Variants in ST8SIA5 observed in about 807,000 individuals in gnomAD.
ST8SIA5 encodes ST8 alpha-N-acetyl-neuraminide alpha-2,8-sialyltransferase 5.
Under a neutral mutation model 40.2 loss-of-function variants are expected in ST8SIA5, and 24 were observed. The observed-to-expected ratio is 0.60, with a 90% CI of 0.43 to 0.84. ST8SIA5 has a LOEUF of 0.84. Among genes scored for constraint, ST8SIA5 ranks in the 40% least tolerant of loss-of-function variants. The probability of loss-of-function intolerance (pLI) is 0.00; values close to 1 mark genes in which losing one functional copy is unlikely to be tolerated. For missense variants in ST8SIA5, 465 were observed against 498.5 expected (o/e 0.93, Z 0.64); for synonymous variants, 198 against 201.8 (o/e 0.98, Z 0.16).
chr18:46,722,528 C>A (rs564148833), intron 1 of ST8SIA5, among the ~76,000 whole-genome samples: 2 of 152,182 alleles, frequency 1.3e-5, no homozygotes, highest in East Asian at 3.9e-4. Flanking sequence ...GAAACTGATC[C>A]GCTCAAAAGA....
intron 1 of ST8SIA5, among the ~76,000 whole-genome samples, chr18:46,721,677 C>G (rs2039865060): frequency 6.6e-6 from 1 of 152,238 alleles, no homozygotes. Context: ...CATCTATCCC[C>G]TCATTCCATC....
intron 2 of ST8SIA5, among the ~76,000 whole-genome samples, chr18:46,703,679 T>A (rs1431235287): frequency 1.3e-5 from 2 of 152,146 alleles, no homozygotes; most frequent in Non-Finnish European, 2.9e-5. Context: ...TGGGGTTATG[T>A]CAGGGGACCG....
At chr18:46,719,674 C>CTTTT (rs1568267688) in intron 1 of ST8SIA5, among the ~76,000 whole-genome samples, 1 of 151,000 alleles carries the variant, frequency 6.6e-6, no homozygotes, top group Non-Finnish European at 1.5e-5. Flanking sequence ...CTTTCTCTTT[C>CTTTT]TTTTCTTTTT....
chr18:46,688,718 G>T, intron 4 of ST8SIA5, 57 bp downstream of exon 4: 3 of 1,563,760 alleles, frequency 1.9e-6, no homozygotes, highest in Non-Finnish European at 2.6e-6. Flanking sequence ...GCCACGGAGG[G>T]CTACTGCTGG....
intron 1 of ST8SIA5, among the ~76,000 whole-genome samples, chr18:46,719,681 T>TC (rs1464262362): frequency 2.8e-5 from 4 of 142,642 alleles, no homozygotes; most frequent in Non-Finnish European, 3.0e-5. Flanking sequence ...TTTCTTTTCT[T>TC]TTTTCTTTCT....
chr18:46,736,412 C>T (rs28528836), intron 1 of ST8SIA5, among the ~76,000 whole-genome samples: 12,514 of 152,078 alleles, frequency 0.082, 822 homozygotes, highest in African/African-American at 0.18. Context: ...AGAAGTGCAC[C>T]GGGTGGGGGT....
intron 2 of ST8SIA5, among the ~76,000 whole-genome samples, chr18:46,702,566 G>A (rs924085917): frequency 5.9e-5 from 9 of 152,202 alleles, no homozygotes; most frequent in Admixed American, 5.9e-4. Context: ...GACACAGCCA[G>A]CTCCCTCCTG....
At chr18:46,711,145 C>T (rs1374616595) in intron 1 of ST8SIA5, among the ~76,000 whole-genome samples, 2 of 152,132 alleles carry the variant, frequency 1.3e-5, no homozygotes, top group Non-Finnish European at 2.9e-5. Context: ...CACCATTTTC[C>T]CCAGATAAAT....
At chr18:46,737,927 C>T (rs1262313965) in intron 1 of ST8SIA5, among the ~76,000 whole-genome samples, 3 of 152,132 alleles carry the variant, frequency 2.0e-5, no homozygotes, top group African/African-American at 7.2e-5. Flanking sequence ...TGCACCACCA[C>T]GCCCGAATAA....
chr18:46,708,837 A>G (rs997984091), intron 1 of ST8SIA5, among the ~76,000 whole-genome samples: 2 of 152,118 alleles, frequency 1.3e-5, no homozygotes, highest in Non-Finnish European at 2.9e-5. Context: ...ATCTGTGAGT[A>G]TCAAAACCTC....
chr18:46,700,237 T>TAC (rs975663952), intron 2 of ST8SIA5, among the ~76,000 whole-genome samples: 17 of 152,362 alleles, frequency 1.1e-4, no homozygotes, highest in African/African-American at 4.1e-4. Context: ...GACTGACTTT[T>TAC]ACCACTGATT....
chr18:46,743,408 C>G (rs933097426), intron 1 of ST8SIA5, among the ~76,000 whole-genome samples: 2 of 152,094 alleles, frequency 1.3e-5, no homozygotes, highest in Non-Finnish European at 2.9e-5. Context: ...ACAAGAACTT[C>G]GTGATGCATG....
At chr18:46,725,046 AGG>A (rs1280342576) in intron 1 of ST8SIA5, among the ~76,000 whole-genome samples, 88 of 149,934 alleles carry the variant, frequency 5.9e-4, no homozygotes, top group African/African-American at 2.1e-3. Flanking sequence ...GAAGGAAGGA[AGG>A]AAAAGAGAGA....
chr18:46,738,292 G>A (rs1438072133), intron 1 of ST8SIA5, among the ~76,000 whole-genome samples: 12 of 150,562 alleles, frequency 8.0e-5, no homozygotes, highest in African/African-American at 4.9e-5. Context: ...AAGAAGAGAC[G>A]GAATCCGGGA....
At chr18:46,700,849 G>A (rs1568258088) in intron 2 of ST8SIA5, among the ~76,000 whole-genome samples, 1 of 152,174 alleles carries the variant, frequency 6.6e-6, no homozygotes, top group Non-Finnish European at 1.5e-5. Context: ...GATGGCAAGT[G>A]GAATCGATGG....
intron 1 of ST8SIA5, among the ~76,000 whole-genome samples, chr18:46,705,298 A>C (rs1330336868): frequency 6.6e-6 from 1 of 152,206 alleles, no homozygotes. Flanking sequence ...AGCTGGCTCC[A>C]GGCATGTCAC....
chr18:46,751,707 A>T (rs2040197170), intron 1 of ST8SIA5, among the ~76,000 whole-genome samples: 1 of 152,166 alleles, frequency 6.6e-6, no homozygotes, highest in East Asian at 1.9e-4. Flanking sequence ...TGGATTTTTT[A>T]AATGAAGTAA....
intron 1 of ST8SIA5, among the ~76,000 whole-genome samples, chr18:46,712,267 G>T (rs1192135823): frequency 6.6e-6 from 1 of 152,036 alleles, no homozygotes; most frequent in Non-Finnish European, 1.5e-5. Context: ...TGCCCCTACT[G>T]CTTCTCATGG....
In ST8SIA5 at chr18:46,690,293, A is replaced by T. The variant is rs984652086; in HGVS notation, c.312-1374T>A. On this transcript the variant is annotated intron_variant, in intron 3 of 6. Coordinates refer to ENST00000315087, the MANE Select transcript of ST8SIA5 (RefSeq NM_013305.6). The stretch of plus-strand genomic sequence containing the variant: ...AGCTCATGCCTGCCTTCTAGCACCC[A>T]CCTGACACTCCCTCATGGCACCAGG... Among the ~76,000 whole-genome samples the T allele has an allele frequency of 3.9e-5, 6 of 152,306 alleles. No individual in the cohort carries two copies. In the East Asian group the frequency reaches 1.2e-3, roughly 29 times the overall value.
Sources: gnomAD v4.1 joint callset for allele counts (sites outside exome capture counted in the v4.1 genomes callset) on GRCh38, gnomAD v4.1.1 for gene constraint, MANE v1.5 for transcripts, NCBI Gene and HGNC (gene_info 2026-07-23, HGNC 2026-07-21) for gene names.